TRERF1: variants seen among roughly 807,000 people sequenced by gnomAD.
TRERF1 encodes transcriptional regulating factor 1, also known as transcriptional-regulating factor 1.
TRERF1 carries 27 observed loss-of-function variants against 122.9 expected under a neutral mutation model. The ratio of observed to expected loss-of-function variants is 0.22; its 90% CI spans 0.16 to 0.30. TRERF1 has a LOEUF of 0.30. Among genes scored for constraint, TRERF1 ranks in the 10% least tolerant of loss-of-function variants. The probability of loss-of-function intolerance (pLI) is 1.00; values close to 1 mark genes in which losing one functional copy is unlikely to be tolerated. For synonymous variants in TRERF1, 636 were observed against 641.7 expected (o/e 0.99, Z 0.13); for missense variants, 1,248 against 1,560.3 (o/e 0.80, Z 3.37).
At chr6:42,405,411 C>A (rs138442896) in intron 2 of TRERF1, among the ~76,000 whole-genome samples, 1 of 152,208 alleles carries the variant, frequency 6.6e-6, no homozygotes, top group East Asian at 1.9e-4. Context: ...TTAGCCCCAC[C>A]CAGAAGAGTT....
rs1368191734 is a variant in TRERF1 at position 42,275,641 on chromosome 6, G to C, written c.-258-5793C>G. On this transcript the variant is annotated intron_variant, in intron 4 of 17. Transcript: ENST00000372922. This position sits in a 1 kb window ranked among gnomAD's most constrained non-coding sequence, Gnocchi z 4.1. The stretch of plus-strand genomic sequence containing the variant: ...CACTGCGCTAGGCAAAGGAGACCTA[G>C]AGTGGCTTGTTCCCCTCTGCAGGTC... Among the ~76,000 whole-genome samples, 1 of 152,258 alleles carries C rather than the reference G, an allele frequency of 6.6e-6. No individual in the cohort carries two copies. Among genetic ancestry groups the C allele is most frequent in the Non-Finnish European group, 1.5e-5 (1 of 68,044 alleles).
intron 2 of TRERF1, among the ~76,000 whole-genome samples, chr6:42,364,854 G>T (rs766577735): frequency 6.6e-6 from 1 of 152,210 alleles, no homozygotes; most frequent in Non-Finnish European, 1.5e-5. Flanking sequence ...GGGTGTGAAG[G>T]GCTGAGGAAG....
At chr6:42,365,008 T>G in intron 2 of TRERF1, among the ~76,000 whole-genome samples, 1 of 152,216 alleles carries the variant, frequency 6.6e-6, no homozygotes, top group South Asian at 2.1e-4. Context: ...CGAGCCCAGA[T>G]GCAGGTCAGC....
At chr6:42,378,947 C>A (rs985392184) in intron 2 of TRERF1, among the ~76,000 whole-genome samples, 3 of 151,952 alleles carry the variant, frequency 2.0e-5, no homozygotes, top group African/African-American at 7.3e-5. Context: ...AAGACACTGT[C>A]TCTACTAAAA....
chr6:42,290,965 C>T (rs1784234914), intron 4 of TRERF1, among the ~76,000 whole-genome samples: 2 of 151,914 alleles, frequency 1.3e-5, no homozygotes, highest in Non-Finnish European at 2.9e-5. Flanking sequence ...CTGAGAAGGA[C>T]ACCAAAGAAT....
At chr6:42,333,867 C>T (rs1302576275) in intron 3 of TRERF1, among the ~76,000 whole-genome samples, 2 of 152,128 alleles carry the variant, frequency 1.3e-5, no homozygotes, top group African/African-American at 2.4e-5. Flanking sequence ...CGGCCACATC[C>T]GACCACCTTC....
chr6:42,371,054 T>A lies in TRERF1; in HGVS notation c.-453-7975A>T, dbSNP rs73733159. Among the ~76,000 whole-genome samples, 1,314 of 152,144 alleles carry A rather than the reference T, an allele frequency of 8.6e-3. 19 individuals carry two copies. The highest frequency in any genetic ancestry group is 0.029 in the African/African-American group (1,208 of 41,498). On this transcript the variant is annotated intron_variant, in intron 2 of 17. Coordinates refer to ENST00000372922, the Ensembl canonical transcript of TRERF1. ...GAGCCCAGAAACTCTTTAGATGGAG[T>A]GCAAACGGTGGGATTCTCCACAGTC...
intron 3 of TRERF1, among the ~76,000 whole-genome samples, chr6:42,352,342 A>T (rs1769624765): frequency 6.6e-6 from 1 of 152,252 alleles, no homozygotes; most frequent in Non-Finnish European, 1.5e-5. Flanking sequence ...TTACCTTAAT[A>T]TGCACACACA....
At chr6:42,414,499 T>C (rs139524430) in intron 2 of TRERF1, among the ~76,000 whole-genome samples, 3 of 152,368 alleles carry the variant, frequency 2.0e-5, no homozygotes, top group African/African-American at 7.2e-5. Flanking sequence ...TGCAACTTGC[T>C]TTTTTCACTC....
chr6:42,435,358 C>A (rs1484691474), intron 2 of TRERF1, among the ~76,000 whole-genome samples: 1 of 151,978 alleles, frequency 6.6e-6, no homozygotes, highest in African/African-American at 2.4e-5. Flanking sequence ...ACATGGATGG[C>A]ATGTATACAG....
In TRERF1 at chr6:42,258,132, T is replaced by C; in HGVS notation, c.2336+3A>G. 6.2e-7 allele frequency: 1 copy of C among 1,613,808 alleles called. No homozygotes were observed. Among genetic ancestry groups the C allele is most frequent in the Non-Finnish European group, 8.5e-7 (1 of 1,179,748 alleles). On this transcript the variant is annotated splice_donor_region_variant and intron_variant, in intron 10 of 17. Coordinates refer to ENST00000372922, the Ensembl canonical transcript of TRERF1. ...TTCTAAAGAGTAATTGACTTTTCCT[T>C]ACGGTTCAACATCTACAGTCTGCTC...
chr6:42,355,901 C>T (rs188292133), intron 3 of TRERF1, among the ~76,000 whole-genome samples: 8 of 152,284 alleles, frequency 5.3e-5, no homozygotes, highest in Non-Finnish European at 1.2e-4. Context: ...TTAAGAGGCA[C>T]ATGAAGGTTA....
At chr6:42,234,303 T>C (rs553863638) in intron 16 of TRERF1, among the ~76,000 whole-genome samples, 13 of 152,100 alleles carry the variant, frequency 8.5e-5, no homozygotes, top group African/African-American at 3.1e-4. Flanking sequence ...GTTGCTGTAT[T>C]AAGTTTATGA....
At chr6:42,397,002 T>C (rs2151304106) in intron 2 of TRERF1, among the ~76,000 whole-genome samples, 1 of 152,316 alleles carries the variant, frequency 6.6e-6, no homozygotes, top group African/African-American at 2.4e-5. Flanking sequence ...GATCTAGGCA[T>C]CTGGTTTTCA....
chr6:42,259,495 G>C lies in TRERF1; in HGVS notation c.2113C>G (p.Leu705Val), dbSNP rs1777408505. The change falls in exon 9 of 18, where the codon CTG becomes GTG. Residue 705 changes from leucine to valine, a missense_variant. Physicochemically the swap from Leu to Val is conservative, Grantham distance 32. This residue lies in a region of TRERF1 where 946 missense variants were observed against 1,073.0 expected (regional missense o/e 0.88). Transcript: ENST00000372922. The surrounding 1 kb of genome is among the most constrained non-coding windows in gnomAD (Gnocchi z 4.9). ...ATGGGTGGGGGCGTGTAAGGGGGCA[G>C]CTCGTGGGTGGGGTCCAGGAGCAGG... 6.2e-7 allele frequency: 1 copy of C among 1,611,418 alleles called. No homozygotes were observed. Among genetic ancestry groups the C allele is most frequent in the Non-Finnish European group, 8.5e-7 (1 of 1,179,630 alleles).
At position 42,259,423 on chromosome 6, in the gene TRERF1, T is replaced by A; in HGVS notation, c.2185A>T (p.Ile729Phe). ...TGGGCGCCAGGGCCGTGGCCGGAGA[T>A]GAGGACATTGCTGAAGAGCCCCGAG... The change falls in exon 9 of 18, where the codon ATC becomes TTC. Residue 729 changes from isoleucine to phenylalanine, a missense_variant. Ile to Phe is a conservative substitution (Grantham distance 21). Coordinates refer to ENST00000372922, the Ensembl canonical transcript of TRERF1. This position sits in a 1 kb window ranked among gnomAD's most constrained non-coding sequence, Gnocchi z 4.9. 1 of 1,578,136 alleles carries A rather than the reference T, an allele frequency of 6.3e-7. No individual in the cohort carries two copies. Among genetic ancestry groups the A allele is most frequent in the South Asian group, 1.1e-5 (1 of 87,328 alleles).
At chr6:42,231,131 G>A (rs1347460704) in intron 17 of TRERF1, among the ~76,000 whole-genome samples, 1 of 152,148 alleles carries the variant, frequency 6.6e-6, no homozygotes, top group Non-Finnish European at 1.5e-5. Context: ...TTTCAGTGAC[G>A]AGGGCCTCAC....
intron 2 of TRERF1, among the ~76,000 whole-genome samples, chr6:42,408,840 C>A (rs961341584): frequency 2.0e-5 from 3 of 152,016 alleles, no homozygotes; most frequent in African/African-American, 7.2e-5. Flanking sequence ...GTTTGTAAAA[C>A]TAACTTTTTA....
intron 2 of TRERF1, among the ~76,000 whole-genome samples, chr6:42,424,703 G>A (rs924387849): frequency 2.0e-5 from 3 of 152,106 alleles, no homozygotes; most frequent in Admixed American, 6.5e-5. Flanking sequence ...GCTTCTTCAC[G>A]TTTGCCCATC....
Sources: allele counts gnomAD v4.1 joint callset (sites outside exome capture counted in the v4.1 genomes callset), GRCh38; gene constraint gnomAD v4.1.1; regional missense constraint gnomAD v4.1.1; non-coding constraint Gnocchi (gnomAD v3.1); transcripts MANE v1.5; gene names NCBI Gene and HGNC (gene_info 2026-07-23, HGNC 2026-07-21).